The following MLLT10 variants were observed in gnomAD, a reference collection of about 807,000 sequenced individuals.
MLLT10 encodes the protein MLLT10 histone lysine methyltransferase DOT1L cofactor, also known as protein AF-10.
Under a neutral mutation model 129.1 loss-of-function variants are expected in MLLT10, and 30 were observed. That is an observed-to-expected ratio of 0.23 (90% CI 0.17 to 0.32). The LOEUF (loss-of-function observed/expected upper bound fraction) is 0.32. Among genes scored for constraint, MLLT10 ranks in the 10% least tolerant of loss-of-function variants. The pLI is 1.00. For synonymous variants in MLLT10, 490 were observed against 446.4 expected, an observed-to-expected ratio of 1.10 and a Z score of -1.23; for missense variants, 1,119 against 1,268.3, an observed-to-expected ratio of 0.88 and a Z score of 1.79.
intron 8 of MLLT10, chr10:21,624,488 T>TTA (rs1306474104): frequency 1.6e-6 from 1 of 628,820 alleles, no homozygotes; most frequent in South Asian, 2.8e-5. Flanking sequence ...TGGCAGCAAA[T>TTA]TGCTACTTAA....
At chr10:21,698,097 A>T (rs2054544313) in intron 13 of MLLT10, among the ~76,000 whole-genome samples, 1 of 152,104 alleles carries the variant, frequency 6.6e-6, no homozygotes, top group African/African-American at 2.4e-5. Flanking sequence ...CCTTCATTGA[A>T]ATATTCAATG....
rs2058702573 is a variant in MLLT10 at position 21,740,039 on chromosome 10, C to G, written c.2965C>G (p.Gln989Glu). Residue 989 changes from glutamine (Q) to glutamate (E), a missense_variant, in exon 22 of 23, where the codon CAA becomes GAA. Around this residue, in one of 5 missense-constraint regions of MLLT10, gnomAD observed 1,004 missense variants for 1,008.7 expected, o/e 1.00. Coordinates refer to ENST00000307729, the MANE Select transcript of MLLT10 (RefSeq NM_001195626.3). ...ATGTTTTTTGCCTAAGGAACAACATCAAGCCTTTTTGTATCAGTTAATGCA... is the reference window on the plus strand; with the variant it reads ...ATGTTTTTTGCCTAAGGAACAACATGAAGCCTTTTTGTATCAGTTAATGCA... ...NSQQLTPEQH[Q>E]AFLYQLMQHH... 14 of 1,605,820 alleles carry G rather than the reference C, an allele frequency of 8.7e-6. No homozygotes were observed. Among genetic ancestry groups the G allele is most frequent in the Non-Finnish European group, 1.2e-5 (14 of 1,175,668 alleles).
At chr10:21,667,817 T>A (rs796584219) in intron 9 of MLLT10, among the ~76,000 whole-genome samples, 1 of 152,168 alleles carries the variant, frequency 6.6e-6, no homozygotes, top group East Asian at 1.9e-4. Flanking sequence ...TTGTTTAATT[T>A]TGGATCTAGT....
chr10:21,654,006 T>A (rs1564584808), intron 9 of MLLT10, among the ~76,000 whole-genome samples: 1 of 152,100 alleles, frequency 6.6e-6, no homozygotes, highest in Non-Finnish European at 1.5e-5. Flanking sequence ...AGGCTAGAGT[T>A]TGGAAGAAAA....
chr10:21,596,266 C>T (rs1388878274), intron 5 of MLLT10, among the ~76,000 whole-genome samples: 2 of 151,924 alleles, frequency 1.3e-5, no homozygotes, highest in African/African-American at 2.4e-5. Flanking sequence ...AAAGTTGAAT[C>T]GTTTTCGCTT....
intron 16 of MLLT10, among the ~76,000 whole-genome samples, chr10:21,730,225 C>T (rs1394528559): frequency 6.6e-6 from 1 of 151,088 alleles, no homozygotes; most frequent in African/African-American, 2.4e-5. Flanking sequence ...AACCCAGGAC[C>T]CAGGAAGTCA....
intron 8 of MLLT10, among the ~76,000 whole-genome samples, chr10:21,635,906 G>GT (rs1564549377): frequency 6.7e-6 from 1 of 148,238 alleles, no homozygotes; most frequent in African/African-American, 2.5e-5. Context: ...GATTACAAGC[G>GT]TGAGCCGCTG....
chr10:21,687,456 T>C (rs957599124), intron 13 of MLLT10, among the ~76,000 whole-genome samples: 11 of 152,158 alleles, frequency 7.2e-5, no homozygotes, highest in Admixed American at 7.2e-4. Context: ...GGGGGATGAG[T>C]TGTCACTGTG....
chr10:21,689,489 T>TA (rs2053604266), intron 13 of MLLT10, among the ~76,000 whole-genome samples: 1 of 148,592 alleles, frequency 6.7e-6, no homozygotes, highest in Admixed American at 6.7e-5. Flanking sequence ...TAGTCTGAGG[T>TA]ATGTACAGTT....
chr10:21,662,278 T>G (rs1019483355), intron 9 of MLLT10, among the ~76,000 whole-genome samples: 5 of 152,212 alleles, frequency 3.3e-5, no homozygotes, highest in African/African-American at 4.8e-5. Context: ...GAGGGGAAGT[T>G]TTTGGACGTT....
At chr10:21,634,576 A>G (rs2047289499) in intron 8 of MLLT10, among the ~76,000 whole-genome samples, 1 of 152,184 alleles carries the variant, frequency 6.6e-6, no homozygotes. Context: ...TCTTTCATGC[A>G]GTGTGTTTAA....
intron 3 of MLLT10, among the ~76,000 whole-genome samples, chr10:21,571,812 G>A (rs1187315197): frequency 6.6e-6 from 1 of 152,182 alleles, no homozygotes; most frequent in Non-Finnish European, 1.5e-5. Flanking sequence ...TTGAGTTGCA[G>A]AAGGTGTTTA....
At chr10:21,706,670 G>C (rs1355036882) in intron 13 of MLLT10, among the ~76,000 whole-genome samples, 1 of 152,148 alleles carries the variant, frequency 6.6e-6, no homozygotes, top group East Asian at 1.9e-4. Context: ...GTTTGAAAGT[G>C]GGAAATAGGA....
At chr10:21,556,527 A>G in intron 3 of MLLT10, 2 of 714,132 alleles carry the variant, frequency 2.8e-6, no homozygotes, top group South Asian at 1.9e-5. Context: ...CTCTGAGTGT[A>G]GATTTCTTCC....
intron 8 of MLLT10, among the ~76,000 whole-genome samples, chr10:21,638,812 T>C (rs1355836793): frequency 2.0e-5 from 3 of 152,124 alleles, no homozygotes; most frequent in Non-Finnish European, 2.9e-5. Context: ...ATTGTTACAG[T>C]GGGGTAGAAA....
intron 8 of MLLT10, among the ~76,000 whole-genome samples, chr10:21,649,820 G>A (rs1215676478): frequency 6.6e-6 from 1 of 152,190 alleles, no homozygotes; most frequent in African/African-American, 2.4e-5. Context: ...ATCCTGTTGA[G>A]TAACACAAGT....
At chr10:21,696,550 G>A (rs2054380346) in intron 13 of MLLT10, among the ~76,000 whole-genome samples, 1 of 152,120 alleles carries the variant, frequency 6.6e-6, no homozygotes, top group Non-Finnish European at 1.5e-5. Flanking sequence ...CATCTTAGAT[G>A]ACCTTTATGC....
At chr10:21,738,880 C>G (rs906367270) in intron 21 of MLLT10, among the ~76,000 whole-genome samples, 1 of 152,168 alleles carries the variant, frequency 6.6e-6, no homozygotes, top group Admixed American at 6.5e-5. Flanking sequence ...TCATCACTGT[C>G]TGTAAATAGC....
At chr10:21,704,967 T>A (rs1371936446) in intron 13 of MLLT10, among the ~76,000 whole-genome samples, 2 of 152,160 alleles carry the variant, frequency 1.3e-5, no homozygotes, top group Non-Finnish European at 1.5e-5. Context: ...TGCCTCACCT[T>A]GGGCCCAGGG....
Sources: gnomAD v4.1 joint callset for allele counts (sites outside exome capture counted in the v4.1 genomes callset) on GRCh38, gnomAD v4.1.1 for gene constraint, gnomAD v4.1.1 regional missense constraint, MANE v1.5 for transcripts, NCBI Gene and HGNC (gene_info 2026-07-23, HGNC 2026-07-21) for gene names.